Variants in IRAG2 observed in about 807,000 individuals in gnomAD.
The protein encoded by IRAG2 is lymphoid restricted membrane protein.
IRAG2 carries 45 observed loss-of-function variants against 69.9 expected under a neutral mutation model. The observed-to-expected ratio is 0.64, with a 90% CI of 0.51 to 0.83. The LOEUF (loss-of-function observed/expected upper bound fraction) is 0.83. Ranked by LOEUF, IRAG2 falls within the 40% of genes least tolerant of loss-of-function variation. The pLI, the probability that IRAG2 is intolerant of heterozygous loss-of-function variation, is 0.00. For synonymous variants in IRAG2, 193 were observed against 202.4 expected, an observed-to-expected ratio of 0.95 and a Z score of 0.40; for missense variants, 520 against 587.0, an observed-to-expected ratio of 0.89 and a Z score of 1.18.
intron 6 of IRAG2, among the ~76,000 whole-genome samples, chr12:25,077,308 G>GAT (rs1555139165): frequency 0.019 from 330 of 17,482 alleles, 33 homozygotes; most frequent in African/African-American, 0.053. Flanking sequence ...AAATATATAT[G>GAT]ATATATATGA....
At chr12:25,053,988 T>G (rs941545383) in intron 1 of IRAG2, among the ~76,000 whole-genome samples, 7 of 152,016 alleles carry the variant, frequency 4.6e-5, no homozygotes, top group Non-Finnish European at 8.8e-5. Flanking sequence ...TCCCAGCATT[T>G]TGGGAGGCCG....
At chr12:25,018,600 G>T (rs1332794186) in intron 6 of IRAG2, among the ~76,000 whole-genome samples, 1 of 152,078 alleles carries the variant, frequency 6.6e-6, no homozygotes, top group East Asian at 1.9e-4. Flanking sequence ...CTTACCTCAA[G>T]TCCTCTTCAT....
chr12:25,016,666 G>A (rs1346250147), intron 5 of IRAG2, among the ~76,000 whole-genome samples: 1 of 152,016 alleles, frequency 6.6e-6, no homozygotes, highest in East Asian at 1.9e-4. Flanking sequence ...TGGAGGCTGA[G>A]GCAGGAGAAT....
chr12:24,998,643 G>A, the IRAG2 span, among the ~76,000 whole-genome samples: 5 of 151,988 alleles, frequency 3.3e-5, no homozygotes, highest in African/African-American at 1.2e-4. Context: ...TTAGTGAAGG[G>A]TTGTTTTGGC....
At chr12:25,045,529 TGAA>T in intron 16 of IRAG2, among the ~76,000 whole-genome samples, 1 of 151,776 alleles carries the variant, frequency 6.6e-6, no homozygotes, top group Middle Eastern at 3.4e-3. Flanking sequence ...AAATCAGAAA[TGAA>T]GGAGATATTA....
intron 15 of IRAG2, chr12:25,036,741 A>G: frequency 2.5e-6 from 1 of 398,276 alleles, no homozygotes; most frequent in Non-Finnish European, 4.4e-6. Flanking sequence ...TTGTTAAGCC[A>G]GGTAATAGTA....
chr12:25,012,847 C>T (rs1228299040), intron 3 of IRAG2, among the ~76,000 whole-genome samples: 1 of 152,092 alleles, frequency 6.6e-6, no homozygotes, highest in East Asian at 1.9e-4. Context: ...ATGTCAAGCC[C>T]AAGGAACGGA....
At chr12:25,044,272 G>GAC (rs911845004) in intron 16 of IRAG2, among the ~76,000 whole-genome samples, 1 of 151,744 alleles carries the variant, frequency 6.6e-6, no homozygotes, top group Non-Finnish European at 1.5e-5. Context: ...CTATAGAGCA[G>GAC]ACACACACAC....
intron 1 of IRAG2, among the ~76,000 whole-genome samples, chr12:25,053,231 T>C (rs1240315080): frequency 6.6e-6 from 1 of 151,618 alleles, no homozygotes; most frequent in Non-Finnish European, 1.5e-5. Flanking sequence ...TTAAAACTTC[T>C]CAAAATTTCT....
intron 15 of IRAG2, chr12:25,036,827 C>T (rs997954715): frequency 2.5e-6 from 1 of 394,112 alleles, no homozygotes; most frequent in Non-Finnish European, 4.5e-6. Context: ...ACTGTGTGTC[C>T]AGGGGTGTAT....
intron 20 of IRAG2, among the ~76,000 whole-genome samples, chr12:25,104,691 A>T (rs1394221471): frequency 1.3e-5 from 2 of 152,100 alleles, no homozygotes; most frequent in African/African-American, 4.8e-5. Context: ...GTTAGAAAAG[A>T]CCCTGGAGTT....
intron 6 of IRAG2, among the ~76,000 whole-genome samples, chr12:25,073,735 T>G (rs1946478708): frequency 6.6e-6 from 1 of 151,250 alleles, no homozygotes; most frequent in Non-Finnish European, 1.5e-5. Context: ...ATTTGGGATA[T>G]TCTGGTGTAG....
At chr12:25,071,014 G>A (rs1366425048) in intron 6 of IRAG2, among the ~76,000 whole-genome samples, 1 of 152,128 alleles carries the variant, frequency 6.6e-6, no homozygotes, top group African/African-American at 2.4e-5. Context: ...ACAAGTTGTT[G>A]TTATTCTTCC....
rs1018976582 is a variant in IRAG2 at position 25,060,502 on chromosome 12, G to C, written c.-446-1090G>C. ...CTAATCTCAGCTCCATGATTTACCA[G>C]TTACCTTTTCAATCGTCTGCACATC... On this transcript the variant is annotated intron_variant, in intron 1 of 21. Coordinates refer to ENST00000556887, the MANE Select transcript of IRAG2 (RefSeq NM_001366544.2). Among the ~76,000 whole-genome samples, 206 of 151,920 alleles carry C rather than the reference G, an allele frequency of 1.4e-3. 1 individual carries two copies. Among genetic ancestry groups the C allele is most frequent in the Non-Finnish European group, 1.5e-3 (99 of 67,992 alleles).
At chr12:24,997,933 CAA>C in the IRAG2 span, among the ~76,000 whole-genome samples, 1 of 152,194 alleles carries the variant, frequency 6.6e-6, no homozygotes, top group African/African-American at 2.4e-5. Context: ...AGGCAAATCT[CAA>C]ATTGTTTTCA....
At chr12:25,083,819 A>G (rs1947383819) in intron 10 of IRAG2, among the ~76,000 whole-genome samples, 1 of 152,274 alleles carries the variant, frequency 6.6e-6, no homozygotes, top group Admixed American at 6.5e-5. Context: ...CTGCTTAAAT[A>G]AATGAATGCA....
In IRAG2 at chr12:25,069,449, T is replaced by C; in HGVS notation, c.24+18T>C. 6.2e-7 allele frequency: 1 copy of C among 1,612,192 alleles called. No homozygotes were observed. The highest frequency in any genetic ancestry group is 1.7e-4 in the Middle Eastern group (1 of 6,058). ...GTATGGAAGTGAGTGTTGGACTGGA[T>C]TTTGGTTTCATTTTCAGTATTACCA... On this transcript the variant is annotated intron_variant, in intron 6 of 21. Transcript: ENST00000556887.
At chr12:25,104,706 A>G (rs1460140771) in intron 20 of IRAG2, among the ~76,000 whole-genome samples, 1 of 152,222 alleles carries the variant, frequency 6.6e-6, no homozygotes, top group African/African-American at 2.4e-5. Context: ...GGAGTTTGCC[A>G]TATTTGTGAA....
intron 1 of IRAG2, 104 bp from the exon 2 acceptor site, chr12:25,061,488 G>A: frequency 2.5e-6 from 1 of 395,658 alleles, no homozygotes; most frequent in Non-Finnish European, 4.5e-6. Context: ...TCATGCCACT[G>A]CACTCCAATC....
Sources: allele counts gnomAD v4.1 joint callset (sites outside exome capture counted in the v4.1 genomes callset), GRCh38; gene constraint gnomAD v4.1.1; transcripts MANE v1.5; gene names NCBI Gene and HGNC (gene_info 2026-07-23, HGNC 2026-07-21).